HECW1: variants seen among roughly 807,000 people sequenced by gnomAD.
HECW1 encodes the protein E3 ubiquitin-protein ligase HECW1.
A neutral mutation model predicts 182.3 loss-of-function variants in HECW1; 61 were observed. The observed-to-expected ratio is 0.33, with a 90% CI of 0.27 to 0.41. The LOEUF (loss-of-function observed/expected upper bound fraction) is 0.41. HECW1 is among the 10% of genes least tolerant of loss of function. The pLI, the probability that HECW1 is intolerant of heterozygous loss-of-function variation, is 1.00. For synonymous variants in HECW1, 859 were observed against 832.6 expected (o/e 1.03, Z -0.55); for missense variants, 1,739 against 2,108.9 (o/e 0.82, Z 3.44).
At chr7:43,207,171 A>G (rs1343595005) in intron 2 of HECW1, among the ~76,000 whole-genome samples, 2 of 152,030 alleles carry the variant, frequency 1.3e-5, no homozygotes, top group African/African-American at 4.8e-5. Context: ...CTCAGCCTAC[A>G]GACTAGCTGG....
Position 43,444,930 on chromosome 7 carries a change from G to A in HECW1, c.1758G>A (p.Glu586=). The change falls in exon 11 of 30, where the codon GAG becomes GAA. Residue 586 remains glutamate (E), a synonymous_variant. Coordinates refer to ENST00000395891, the MANE Select transcript of HECW1 (RefSeq NM_015052.5). The surrounding 1 kb of genome is among the most constrained non-coding windows in gnomAD (Gnocchi z 4.3). ...CGGCAGAGGAGGAGGACGGCGCGGA[G>A]GAGGAGTCCACCCTCAAGGACTCCT... ...GSAAEEEDGA[E]EESTLKDSSE... is the part of the protein sequence containing the mutation. The A allele has an allele frequency of 1.9e-6, 3 of 1,591,442 alleles. No homozygotes were observed. Among genetic ancestry groups the A allele is most frequent in the Non-Finnish European group, 2.6e-6 (3 of 1,168,190 alleles).
At chr7:43,277,500 C>T (rs561894204) in intron 3 of HECW1, among the ~76,000 whole-genome samples, 1 of 152,290 alleles carries the variant, frequency 6.6e-6, no homozygotes, top group African/African-American at 2.4e-5. Context: ...AAAATAGAAA[C>T]TAAGAACCCA....
chr7:43,543,560 C>T (rs1178444891), intron 26 of HECW1, among the ~76,000 whole-genome samples: 1 of 152,092 alleles, frequency 6.6e-6, no homozygotes, highest in Non-Finnish European at 1.5e-5. Flanking sequence ...GGGCAGATCA[C>T]CTGAGGTCAG....
chr7:43,533,563 A>G (rs2081069701), intron 24 of HECW1, among the ~76,000 whole-genome samples: 1 of 152,076 alleles, frequency 6.6e-6, no homozygotes, highest in South Asian at 2.1e-4. Context: ...TGAACCCCCA[A>G]AATTTGCCAG....
intron 2 of HECW1, among the ~76,000 whole-genome samples, chr7:43,198,599 CCA>C (rs759265825): frequency 4.0e-5 from 6 of 148,942 alleles, no homozygotes; most frequent in Non-Finnish European, 7.5e-5. Context: ...CATACACACC[CCA>C]CAGTCATACA....
intron 16 of HECW1, among the ~76,000 whole-genome samples, chr7:43,476,730 C>T (rs1206911172): frequency 1.3e-5 from 2 of 152,048 alleles, no homozygotes; most frequent in African/African-American, 4.8e-5. Context: ...GAAAAGTGAG[C>T]TCTCTGAGAA....
chr7:43,165,304 T>C (rs1395529615), intron 2 of HECW1, among the ~76,000 whole-genome samples: 1 of 152,120 alleles, frequency 6.6e-6, no homozygotes, highest in Admixed American at 6.5e-5. Context: ...TTGGCAGCCA[T>C]GTGCATACAA....
chr7:43,284,998 A>ATTTTT (rs55642652), intron 3 of HECW1, among the ~76,000 whole-genome samples: 3,170 of 145,356 alleles, frequency 0.022, 92 homozygotes, highest in African/African-American at 0.071. Context: ...TTCTGTATGG[A>ATTTTT]TTTTTTTTTT....
chr7:43,142,859 G>A (rs544410713), intron 2 of HECW1, among the ~76,000 whole-genome samples: 8 of 144,110 alleles, frequency 5.6e-5, no homozygotes, highest in Non-Finnish European at 9.6e-5. Context: ...GTGTAAAATC[G>A]ACAGGTCCCA....
intron 16 of HECW1, among the ~76,000 whole-genome samples, chr7:43,475,113 C>T (rs965434657): frequency 6.6e-6 from 1 of 152,114 alleles, no homozygotes; most frequent in Non-Finnish European, 1.5e-5. Context: ...GAACTGTACA[C>T]TTAAAAATTG....
chr7:43,507,078 A>T (rs571862590), intron 21 of HECW1, 59 bp from the exon 22 acceptor site: 1 of 1,574,930 alleles, frequency 6.3e-7, no homozygotes, highest in South Asian at 1.2e-5. Flanking sequence ...TCAAAAAAGA[A>T]AAAAAGAAGA....
At chr7:43,486,007 C>A (rs2078619059) in intron 17 of HECW1, among the ~76,000 whole-genome samples, 1 of 152,162 alleles carries the variant, frequency 6.6e-6, no homozygotes, top group Non-Finnish European at 1.5e-5. Context: ...CTTCCTCCCC[C>A]AGCCCCCAAC....
At chr7:43,521,003 C>A (rs1423797238) in intron 24 of HECW1, among the ~76,000 whole-genome samples, 1 of 152,202 alleles carries the variant, frequency 6.6e-6, no homozygotes, top group Non-Finnish European at 1.5e-5. Flanking sequence ...TGCCACACAG[C>A]AAAAGGCAAA....
At chr7:43,425,698 A>AAGAG (rs1418965749) in intron 8 of HECW1, among the ~76,000 whole-genome samples, 2 of 152,230 alleles carry the variant, frequency 1.3e-5, no homozygotes, top group African/African-American at 2.4e-5. Flanking sequence ...AAGCAGAAGC[A>AAGAG]AGAGACAAGA....
At chr7:43,113,612 C>A (rs1413517572) in intron 1 of HECW1, 3 of 180,502 alleles carry the variant, frequency 1.7e-5, no homozygotes, top group South Asian at 4.0e-4. Context: ...CGGGAGCAGT[C>A]ATGTCGCCTA....
intron 4 of HECW1, among the ~76,000 whole-genome samples, chr7:43,319,233 A>G (rs1809723574): frequency 6.6e-6 from 1 of 151,480 alleles, no homozygotes; most frequent in African/African-American, 2.4e-5. Context: ...TAAAAATACA[A>G]AAAATTAGCC....
At chr7:43,374,291 G>C (rs2074232797) in intron 6 of HECW1, among the ~76,000 whole-genome samples, 1 of 152,152 alleles carries the variant, frequency 6.6e-6, no homozygotes, top group South Asian at 2.1e-4. Flanking sequence ...TGATTCAAGA[G>C]AACATTGTAT....
intron 3 of HECW1, among the ~76,000 whole-genome samples, chr7:43,276,814 C>T (rs1220902784): frequency 6.6e-6 from 1 of 152,238 alleles, no homozygotes; most frequent in Non-Finnish European, 1.5e-5. Context: ...GCTCCAGCTT[C>T]TCTGTTTTCT....
At chr7:43,490,003 T>C (rs1270467909) in intron 17 of HECW1, among the ~76,000 whole-genome samples, 1 of 152,202 alleles carries the variant, frequency 6.6e-6, no homozygotes, top group East Asian at 1.9e-4. Context: ...TAAATCTGGA[T>C]GTTTGAACTC....
Sources: gnomAD v4.1 joint callset for allele counts (sites outside exome capture counted in the v4.1 genomes callset) on GRCh38, gnomAD v4.1.1 for gene constraint, Gnocchi (gnomAD v3.1) non-coding constraint, MANE v1.5 for transcripts, NCBI Gene and HGNC (gene_info 2026-07-23, HGNC 2026-07-21) for gene names.